The following PAM variants were observed in gnomAD, a reference collection of about 807,000 sequenced individuals.
PAM encodes peptidyl-glycine alpha-amidating monooxygenase.
A neutral mutation model predicts 122.1 loss-of-function variants in PAM; 72 were observed. The ratio of observed to expected loss-of-function variants is 0.59; its 90% CI spans 0.49 to 0.72. The LOEUF (loss-of-function observed/expected upper bound fraction) is 0.72, where lower values mean the gene tolerates loss of function less well. Among genes scored for constraint, PAM ranks in the 30% least tolerant of loss-of-function variants. The pLI is 0.00. For synonymous variants in PAM, 389 were observed against 404.4 expected, an observed-to-expected ratio of 0.96 and a Z score of 0.46; for missense variants, 1,106 against 1,183.7, an observed-to-expected ratio of 0.93 and a Z score of 0.96.
At chr5:103,018,163 G>A (rs1163546607) in intron 22 of PAM, among the ~76,000 whole-genome samples, 1 of 152,066 alleles carries the variant, frequency 6.6e-6, no homozygotes, top group African/African-American at 2.4e-5. Flanking sequence ...AAACATGGCA[G>A]GGCCCAAATA....
At chr5:102,897,349 GCCA>G (rs1322826625) in intron 3 of PAM, among the ~76,000 whole-genome samples, 1 of 151,578 alleles carries the variant, frequency 6.6e-6, no homozygotes, top group African/African-American at 2.4e-5. Context: ...AGTCACAACT[GCCA>G]CCACAAGATG....
At chr5:103,020,076 T>C (rs1783135837) in intron 23 of PAM, among the ~76,000 whole-genome samples, 1 of 151,914 alleles carries the variant, frequency 6.6e-6, no homozygotes, top group South Asian at 2.1e-4. Flanking sequence ...TGATAGAAAG[T>C]GATTGAGGAT....
intron 1 of PAM, among the ~76,000 whole-genome samples, chr5:102,837,281 T>C (rs1024686707): frequency 1.3e-5 from 2 of 152,196 alleles, no homozygotes; most frequent in Non-Finnish European, 2.9e-5. Flanking sequence ...GCTTCAGTTA[T>C]AGGCCTTCTC....
intron 1 of PAM, among the ~76,000 whole-genome samples, chr5:102,776,798 T>C (rs570648161): frequency 6.6e-6 from 1 of 152,116 alleles, no homozygotes; most frequent in African/African-American, 2.4e-5. Flanking sequence ...GTATTTCACA[T>C]TGTTATGTAA....
intron 21 of PAM, among the ~76,000 whole-genome samples, chr5:103,010,504 C>T (rs1055643974): frequency 5.3e-5 from 8 of 152,080 alleles, no homozygotes; most frequent in Non-Finnish European, 1.0e-4. Context: ...AGTATGATTG[C>T]CAGAGTGATC....
chr5:102,979,420 C>T (rs570699995), intron 15 of PAM, among the ~76,000 whole-genome samples: 3 of 152,188 alleles, frequency 2.0e-5, no homozygotes, highest in East Asian at 1.9e-4. Context: ...GCTGGCATTT[C>T]TGATGAATAA....
At chr5:102,893,935 C>T (rs1043022731) in intron 3 of PAM, among the ~76,000 whole-genome samples, 1 of 151,696 alleles carries the variant, frequency 6.6e-6, no homozygotes, top group South Asian at 2.1e-4. Context: ...TCAAGCTCTT[C>T]GGTTTTTGTC....
At chr5:102,777,738 C>G (rs1757555386) in intron 1 of PAM, among the ~76,000 whole-genome samples, 1 of 152,064 alleles carries the variant, frequency 6.6e-6, no homozygotes, top group Non-Finnish European at 1.5e-5. Context: ...CTGTTTTCCT[C>G]TGTAGAGGTA....
chr5:103,003,021 CT>C lies in PAM; in HGVS notation c.1614-7del. 1 of 1,268,368 alleles carries C rather than the reference CT, an allele frequency of 7.9e-7. No individual in the cohort carries two copies. The highest frequency in any genetic ancestry group is 1.2e-6 in the Non-Finnish European group (1 of 865,934). 78.6% of individuals were successfully genotyped at this position (1,268,368 alleles called of 1,614,324 possible). On this transcript the variant is annotated splice_polypyrimidine_tract_variant and intron_variant, in intron 16 of 25. Transcript: ENST00000438793. The stretch of plus-strand genomic sequence containing the variant: ...TGATTGTTTCATGTCCTATTTAATG[CT>C]TTTTGTTTAGCTCGTTTGACAGCAA...
chr5:102,925,117 C>T, intron 6 of PAM, 75 bp downstream of exon 6: 3 of 804,892 alleles, frequency 3.7e-6, no homozygotes, highest in Non-Finnish European at 6.8e-6. Flanking sequence ...TCATTATAGT[C>T]CTTTCTAACC....
intron 1 of PAM, among the ~76,000 whole-genome samples, chr5:102,840,047 A>G (rs1456029782): frequency 6.6e-6 from 1 of 152,166 alleles, no homozygotes; most frequent in South Asian, 2.1e-4. Context: ...AGAAAAATGA[A>G]AGTTCAAATA....
At chr5:103,025,943 A>G (rs1266023142) in intron 24 of PAM, among the ~76,000 whole-genome samples, 1 of 152,196 alleles carries the variant, frequency 6.6e-6, no homozygotes, top group Non-Finnish European at 1.5e-5. Context: ...CATTGGTAAT[A>G]AAGTAACAAA....
chr5:102,887,618 A>G (rs1793543929), intron 3 of PAM, among the ~76,000 whole-genome samples: 1 of 152,008 alleles, frequency 6.6e-6, no homozygotes, highest in Non-Finnish European at 1.5e-5. Flanking sequence ...CTTGGTTAAC[A>G]TGGTTGGAAC....
intron 1 of PAM, among the ~76,000 whole-genome samples, chr5:102,823,966 C>A (rs1013992808): frequency 2.0e-5 from 3 of 152,096 alleles, no homozygotes; most frequent in Admixed American, 6.5e-5. Flanking sequence ...ATTATGTAAT[C>A]TTTTCTTTGT....
Position 103,029,069 on chromosome 5 carries a change from C to A in PAM, c.*4C>A. 1 of 1,599,978 alleles carries A rather than the reference C, an allele frequency of 6.3e-7. No individual in the cohort carries two copies. Among genetic ancestry groups the A allele is most frequent in the Non-Finnish European group, 8.5e-7 (1 of 1,175,004 alleles). On this transcript the variant is annotated 3_prime_UTR_variant, in exon 26 of 26. Transcript: ENST00000438793. Reference sequence around the variant, plus strand: ...GCTCGCACCTTCCTCCTCCTGAAAACCAAGCTTTGATTTAGATTGAGTAAG... The same window carrying A: ...GCTCGCACCTTCCTCCTCCTGAAAAACAAGCTTTGATTTAGATTGAGTAAG...
chr5:102,882,092 TATATATATATATATATATAC>T (rs1359929937), intron 3 of PAM, among the ~76,000 whole-genome samples: 3 of 97,444 alleles, frequency 3.1e-5, no homozygotes, highest in African/African-American at 1.1e-4. Flanking sequence ...TATATATATA[TATATATATATATATATATAC>T]ACCACATTTT....
chr5:103,020,812 G>A (rs1783334171), intron 23 of PAM, among the ~76,000 whole-genome samples: 1 of 152,076 alleles, frequency 6.6e-6, no homozygotes, highest in Non-Finnish European at 1.5e-5. Context: ...AGGATTTTAT[G>A]CAGACAGATA....
chr5:102,874,633 G>A (rs1788573576), intron 3 of PAM, among the ~76,000 whole-genome samples: 1 of 151,794 alleles, frequency 6.6e-6, no homozygotes, highest in Non-Finnish European at 1.5e-5. Flanking sequence ...TTTTGAGTAT[G>A]TTTGAATTAA....
chr5:102,899,235 T>A (rs6896544), intron 3 of PAM, among the ~76,000 whole-genome samples: 3,211 of 151,810 alleles, frequency 0.021, 105 homozygotes, highest in African/African-American at 0.075. Flanking sequence ...TCATTTTAAA[T>A]TGGGTGGCTG....
Sources: gnomAD v4.1 joint callset for allele counts (sites outside exome capture counted in the v4.1 genomes callset) on GRCh38, gnomAD v4.1.1 for gene constraint, MANE v1.5 for transcripts, NCBI Gene and HGNC (gene_info 2026-07-23, HGNC 2026-07-21) for gene names.